The following LMOD2 variants were observed in gnomAD, a reference collection of about 807,000 sequenced individuals.
The protein encoded by LMOD2 is leiomodin 2, also known as leiomodin-2.
LMOD2 carries 27 observed loss-of-function variants against 41.7 expected under a neutral mutation model. The ratio of observed to expected loss-of-function variants is 0.65; its 90% CI spans 0.48 to 0.89. The LOEUF is 0.89. LMOD2 is among the 40% of genes least tolerant of loss of function. The probability of loss-of-function intolerance (pLI) is 0.00; values close to 1 mark genes in which losing one functional copy is unlikely to be tolerated. For missense variants in LMOD2, 624 were observed against 667.9 expected (o/e 0.93, Z 0.72); for synonymous variants, 251 against 244.6 (o/e 1.03, Z -0.25).
Position 123,663,738 on chromosome 7 carries a change from T to C in LMOD2, c.1637T>C (p.Leu546Pro), listed in dbSNP as rs750017226. ...TTGTAGGTGGAAGTTCCAGAAGCCCTGCGATAAAAACATGATCTTTAGAAG... is the reference window on the plus strand; with the variant it reads ...TTGTAGGTGGAAGTTCCAGAAGCCCCGCGATAAAAACATGATCTTTAGAAG... ...QLKRVEVPEA[L>P]R The change falls in exon 3 of 3, where the codon CTG becomes CCG. Residue 546 changes from leucine (L) to proline (P), a missense_variant. Leu to Pro is a moderately conservative substitution (Grantham distance 98, BLOSUM62 -3). Coordinates refer to ENST00000458573, the MANE Select transcript of LMOD2 (RefSeq NM_207163.3). 6.3e-7 allele frequency: 1 copy of C among 1,578,752 alleles called. No homozygotes were observed. The highest frequency in any genetic ancestry group is 8.6e-7 in the Non-Finnish European group (1 of 1,160,252).
chr7:123,663,336 C>A, intron 2 of LMOD2, 133 bp downstream of exon 2: 1 of 1,161,728 alleles, frequency 8.6e-7, no homozygotes, highest in Non-Finnish European at 1.2e-6. Flanking sequence ...AGAGCAAACA[C>A]ACCAAGTTTG....
intron 2 of LMOD2, 105 bp downstream of exon 2, chr7:123,663,308 T>C: frequency 7.4e-7 from 1 of 1,350,130 alleles, no homozygotes; most frequent in South Asian, 1.6e-5. Flanking sequence ...ATCAATACTT[T>C]CAATATTTTA....
chr7:123,662,181 A>G lies in LMOD2; in HGVS notation c.595A>G (p.Ile199Val), dbSNP rs778995505. 1 of 1,613,968 alleles carries G rather than the reference A, an allele frequency of 6.2e-7. No homozygotes were observed. Among genetic ancestry groups the G allele is most frequent in the Non-Finnish European group, 8.5e-7 (1 of 1,179,880 alleles). The change falls in exon 2 of 3, where the codon ATT becomes GTT. Residue 199 changes from isoleucine (I) to valine (V), a missense_variant. Physicochemically the swap from Ile to Val is conservative, Grantham distance 29. Coordinates refer to ENST00000458573, the MANE Select transcript of LMOD2 (RefSeq NM_207163.3). The surrounding 1 kb of genome is among the most constrained non-coding windows in gnomAD (Gnocchi z 4.0). ...AIHPCGNPTV[I>V]EDALDKIKSN... Reference sequence around the variant, plus strand: ...TCACCCTTGTGGAAATCCTACAGTGATTGAGGACGCTTTGGACAAGATTAA... The same window carrying G: ...TCACCCTTGTGGAAATCCTACAGTGGTTGAGGACGCTTTGGACAAGATTAA...
Position 123,662,603 on chromosome 7 carries a change from A to C in LMOD2, c.1017A>C (p.Gly339=). The change falls in exon 2 of 3, where the codon GGA becomes GGC. Residue 339 remains glycine, a synonymous_variant. Coordinates refer to ENST00000458573, the MANE Select transcript of LMOD2 (RefSeq NM_207163.3). The surrounding 1 kb of genome is among the most constrained non-coding windows in gnomAD (Gnocchi z 4.0). ...LRLGYHFELP[G]PRMSMTSILT... Reference sequence around the variant, plus strand: ...TGGGATACCATTTTGAACTCCCAGGACCAAGAATGAGCATGACGAGCATTT... The same window carrying C: ...TGGGATACCATTTTGAACTCCCAGGCCCAAGAATGAGCATGACGAGCATTT... 6.2e-7 allele frequency: 1 copy of C among 1,613,992 alleles called. No homozygotes were observed. Among genetic ancestry groups the C allele is most frequent in the Non-Finnish European group, 8.5e-7 (1 of 1,179,890 alleles).
At position 123,662,546 on chromosome 7, in the gene LMOD2, G is replaced by A. The variant is rs1802896307; in HGVS notation, c.960G>A (p.Lys320=). The A allele has an allele frequency of 6.2e-7, 1 of 1,613,870 alleles. No homozygotes were observed. The highest frequency in any genetic ancestry group is 8.5e-7 in the Non-Finnish European group (1 of 1,179,878). Residue 320 remains lysine, a synonymous_variant, in exon 2 of 3, where the codon AAG becomes AAA. Coordinates refer to ENST00000458573, the MANE Select transcript of LMOD2 (RefSeq NM_207163.3). This position sits in a 1 kb window ranked among gnomAD's most constrained non-coding sequence, Gnocchi z 4.0. ...GCCAGGTGGAAATGGAGATTGTCAA[G>A]CTGCTGAAGGAGAACACGACGCTGC... ...MGSQVEMEIV[K]LLKENTTLLR...
At chr7:123,663,688 T>C (rs1802927701) in intron 2 of LMOD2, 31 bp from the exon 3 acceptor site, 2 of 1,562,720 alleles carry the variant, frequency 1.3e-6, no homozygotes, top group East Asian at 4.6e-5. Context: ...TGTGTGTTGT[T>C]TCATTGAGAG....
In LMOD2 at chr7:123,663,008, A is replaced by C; in HGVS notation, c.1422A>C (p.Gln474His). 2 of 1,552,060 alleles carry C rather than the reference A, an allele frequency of 1.3e-6. No individual in the cohort carries two copies. The highest frequency in any genetic ancestry group is 1.7e-6 in the Non-Finnish European group (2 of 1,147,636). ...KQQESAQRAL[Q>H]NGQKKKKGKK... ...AGGAGAGTGCCCAACGGGCATTACA[A>C]AATGGACAAAAAAAGAAAAAAGGGA... The change falls in exon 2 of 3, where the codon CAA (glutamine) becomes CAC (histidine). Residue 474 changes from glutamine (Q) to histidine (H), a missense_variant. Transcript: ENST00000458573.
rs774837191 is a variant in LMOD2 at position 123,662,850 on chromosome 7, C to A, written c.1264C>A (p.Pro422Thr). The stretch of plus-strand genomic sequence containing the variant: ...TCCTCTGTCTCCTGTGGCCACACCT[C>A]CTCCTCCTCCCCCTCCTCCTCCTCC... ...SRPLSPVATP[P>T]PPPPPPPPPP... The change falls in exon 2 of 3, where the codon CCT (proline) becomes ACT (threonine). Residue 422 changes from proline to threonine, a missense_variant. By Grantham distance (38) the Pro-to-Thr change is conservative. Transcript: ENST00000458573. This position sits in a 1 kb window ranked among gnomAD's most constrained non-coding sequence, Gnocchi z 4.0. 2 of 1,598,602 alleles carry A rather than the reference C, an allele frequency of 1.3e-6. No homozygotes were observed. The highest frequency in any genetic ancestry group is 1.7e-6 in the Non-Finnish European group (2 of 1,172,358).
At position 123,655,894 on chromosome 7, in the gene LMOD2, C is replaced by G. The variant is rs1802778193; in HGVS notation, c.-70C>G. The G allele has an allele frequency of 6.9e-7, 1 of 1,459,166 alleles. No homozygotes were observed. The highest frequency in any genetic ancestry group is 2.4e-5 in the East Asian group (1 of 41,044). 90.4% of individuals were successfully genotyped at this position (1,459,166 alleles called of 1,614,324 possible). On this transcript the variant is annotated 5_prime_UTR_variant, in exon 1 of 3. Coordinates refer to ENST00000458573, the MANE Select transcript of LMOD2 (RefSeq NM_207163.3). ...TGTTGACCAGCCTGCCACTTGCCTC[C>G]CTGCCTGCTTCTGGCCGCCTTGAAT... is the stretch of plus-strand genomic sequence containing the variant.
chr7:123,661,873 A>C lies in LMOD2; in HGVS notation c.287A>C (p.Lys96Thr), dbSNP rs1001661094. 22 of 1,522,006 alleles carry C rather than the reference A, an allele frequency of 1.4e-5. No individual in the cohort carries two copies. Among genetic ancestry groups the C allele is most frequent in the African/African-American group, 5.6e-5 (4 of 71,340 alleles). The allele number at this position is 1,522,006 out of a possible 1,614,324, so 94.3% of individuals were successfully genotyped here. A position where few individuals can be genotyped will look rare whatever the true frequency, so the allele number is the denominator to read the frequency against. Residue 96 changes from lysine to threonine, a missense_variant, in exon 2 of 3, where the codon AAA (lysine) becomes ACA (threonine). By Grantham distance (78) the Lys-to-Thr change is moderately conservative. Coordinates refer to ENST00000458573, the MANE Select transcript of LMOD2 (RefSeq NM_207163.3). The stretch of plus-strand genomic sequence containing the variant: ...CATACTCTTTAGGTTGCAGAAGACA[A>C]AGAGGAAAGTGAAGAAGAGCTTATC... ...LGECGKVAEDKEESEEELIFT... is the reference protein window; with the variant it reads ...LGECGKVAEDTEESEEELIFT...
At chr7:123,657,811 CAAAAA>C (rs1009900124) in intron 1 of LMOD2, among the ~76,000 whole-genome samples, 5 of 36,012 alleles carry the variant, frequency 1.4e-4, no homozygotes, top group Admixed American at 3.1e-4. Context: ...CTCATCTCTA[CAAAAA>C]AAAAAAAAAA....
chr7:123,656,364 C>T (rs1002454643), intron 1 of LMOD2, 128 bp downstream of exon 1: 128 of 953,254 alleles, frequency 1.3e-4, no homozygotes, highest in Non-Finnish European at 4.4e-5. Flanking sequence ...TTTATACTTG[C>T]TACTAAATCA....
rs1454595082 is a variant in LMOD2, at chr7:123,663,220, C to A, written c.1617+17C>A. 5.8e-6 allele frequency: 9 copies of A among 1,555,948 alleles called. No individual in the cohort carries two copies. The highest frequency in any genetic ancestry group is 7.8e-6 in the Non-Finnish European group (9 of 1,150,200). The stretch of plus-strand genomic sequence containing the variant: ...CTAAAGCGGGTAAGTAACCAGAGAA[C>A]AGACATAGGGGCACAGATAAAGTAA... On this transcript the variant is annotated intron_variant, in intron 2 of 2. Coordinates refer to ENST00000458573, the MANE Select transcript of LMOD2 (RefSeq NM_207163.3).
Position 123,662,534 on chromosome 7 carries a change from G to T in LMOD2, c.948G>T (p.Met316Ile), listed in dbSNP as rs1357340877. Reference sequence around the variant, plus strand: ...ACATCATGGGCAGCCAGGTGGAAATGGAGATTGTCAAGCTGCTGAAGGAGA... The same window carrying T: ...ACATCATGGGCAGCCAGGTGGAAATTGAGATTGTCAAGCTGCTGAAGGAGA... ...QRHIMGSQVE[M>I]EIVKLLKENT... is the part of the protein sequence containing the mutation. The change falls in exon 2 of 3, where the codon ATG becomes ATT. Residue 316 changes from methionine to isoleucine, a missense_variant. Transcript: ENST00000458573. This position sits in a 1 kb window ranked among gnomAD's most constrained non-coding sequence, Gnocchi z 4.0. 1.9e-6 allele frequency: 3 copies of T among 1,613,770 alleles called. No individual in the cohort carries two copies. Among genetic ancestry groups the T allele is most frequent in the Non-Finnish European group, 2.5e-6 (3 of 1,179,844 alleles).
rs1554401436 is a variant in LMOD2 at position 123,660,323 on chromosome 7, T to TCTCTCTCTCTCA, written c.274-1536_274-1535insTCTCTCTCTCAC. On this transcript the variant is annotated intron_variant, in intron 1 of 2. Coordinates refer to ENST00000458573, the MANE Select transcript of LMOD2 (RefSeq NM_207163.3). ...CTCTCTCTCCCTCTCTCTCTCTCTC[T>TCTCTCTCTCTCA]CACACACACACACACACACAGAGAC... Among the ~76,000 whole-genome samples the TCTCTCTCTCTCA allele has an allele frequency of 2.0e-5, 3 of 147,358 alleles. No individual in the cohort carries two copies. In the South Asian group the frequency reaches 6.6e-4, roughly 32 times the overall value.
chr7:123,656,877 CGAATCAA>C lies in LMOD2; in HGVS notation c.273+645_273+651del, dbSNP rs529032969. ...GGAGTTAGAGACAGTGTTTCTTTTG[CGAATCAA>C]GAACCCCTTTGAGATTTTGATAAGT... On this transcript the variant is annotated intron_variant, in intron 1 of 2. Coordinates refer to ENST00000458573, the MANE Select transcript of LMOD2 (RefSeq NM_207163.3). 8.0e-3 allele frequency among the ~76,000 whole-genome samples: 1,215 copies of C among 152,214 alleles called. 19 individuals carry two copies. Among genetic ancestry groups the C allele is most frequent in the Non-Finnish European group, 8.9e-3 (606 of 67,998 alleles).
chr7:123,658,715 C>CTA (rs1476859124), intron 1 of LMOD2, among the ~76,000 whole-genome samples: 1 of 152,182 alleles, frequency 6.6e-6, no homozygotes, highest in African/African-American at 2.4e-5. Context: ...TTAAGAAACT[C>CTA]ATTAGAGGTT....
chr7:123,659,264 CCTCCATT>C (rs1802837867), intron 1 of LMOD2, among the ~76,000 whole-genome samples: 1 of 152,230 alleles, frequency 6.6e-6, no homozygotes, highest in Non-Finnish European at 1.5e-5. Flanking sequence ...CTCCTTCCCA[CCTCCATT>C]CTCCAAAGAA....
chr7:123,658,096 G>A (rs1253299287), intron 1 of LMOD2, among the ~76,000 whole-genome samples: 3 of 151,476 alleles, frequency 2.0e-5, no homozygotes, highest in Admixed American at 1.3e-4. Context: ...ACAATGACAT[G>A]ATAGTGGTGG....
Sources: gnomAD v4.1 joint callset for allele counts (sites outside exome capture counted in the v4.1 genomes callset) on GRCh38, gnomAD v4.1.1 for gene constraint, Gnocchi (gnomAD v3.1) non-coding constraint, MANE v1.5 for transcripts, NCBI Gene and HGNC (gene_info 2026-07-23, HGNC 2026-07-21) for gene names.